FMNL2: variants seen among roughly 807,000 people sequenced by gnomAD.
FMNL2 encodes the protein formin like 2, also known as formin-like protein 2.
Under a neutral mutation model 130.2 loss-of-function variants are expected in FMNL2, and 51 were observed. The observed-to-expected ratio is 0.39, with a 90% CI of 0.31 to 0.49. The LOEUF (loss-of-function observed/expected upper bound fraction) is 0.49, where lower values mean the gene tolerates loss of function less well. FMNL2 is among the 20% of genes least tolerant of loss of function. FMNL2 has a pLI of 0.85. For synonymous variants in FMNL2, 465 were observed against 467.1 expected, an observed-to-expected ratio of 1.00 and a Z score of 0.06; for missense variants, 977 against 1,316.2, an observed-to-expected ratio of 0.74 and a Z score of 3.99.
At chr2:152,504,052 G>T (rs553132380) in intron 1 of FMNL2, among the ~76,000 whole-genome samples, 1 of 152,302 alleles carries the variant, frequency 6.6e-6, no homozygotes, top group East Asian at 1.9e-4. Flanking sequence ...TTAGCCGGGC[G>T]TGGTGGCACG....
chr2:152,513,445 T>C (rs191183276), intron 1 of FMNL2, among the ~76,000 whole-genome samples: 2 of 152,322 alleles, frequency 1.3e-5, no homozygotes, highest in Admixed American at 1.3e-4. Context: ...CATCTCTTCA[T>C]GTCCCCCTGA....
Position 152,619,639 on chromosome 2 carries a change from C to T in FMNL2, c.1758C>T (p.Pro586=), listed in dbSNP as rs771444096. Residue 586 remains proline, a synonymous_variant, in exon 15 of 26, where the codon CCC becomes CCT. Coordinates refer to ENST00000288670, the MANE Select transcript of FMNL2 (RefSeq NM_052905.4). ...GPAAETVPAP[P]LAPPLPSAPP... is the part of the protein sequence containing the mutation. ...CAGCTGAGACTGTACCAGCTCCTCC[C>T]TTAGCACCTCCCCTTCCCTCTGCAC... 6.2e-7 allele frequency: 1 copy of T among 1,611,108 alleles called. No homozygotes were observed. Among genetic ancestry groups the T allele is most frequent in the Admixed American group, 1.7e-5 (1 of 59,762 alleles).
chr2:152,351,125 T>TA (rs1344891862), intron 1 of FMNL2, among the ~76,000 whole-genome samples: 2 of 152,136 alleles, frequency 1.3e-5, no homozygotes, highest in African/African-American at 4.8e-5. Context: ...ATCCCAAAAA[T>TA]ACCTGAAGTT....
intron 1 of FMNL2, among the ~76,000 whole-genome samples, chr2:152,391,908 G>GTTTTT (rs10584642): frequency 9.0e-6 from 1 of 111,086 alleles, no homozygotes; most frequent in African/African-American, 3.1e-5. Context: ...GCTAGAAGTT[G>GTTTTT]TTTTTTTTTT....
chr2:152,373,505 GA>G (rs1684000408), intron 1 of FMNL2, among the ~76,000 whole-genome samples: 1 of 152,118 alleles, frequency 6.6e-6, no homozygotes, highest in Non-Finnish European at 1.5e-5. Flanking sequence ...ACCTCCTGTG[GA>G]TACCAAAATC....
chr2:152,571,334 T>G (rs77375965), intron 6 of FMNL2, among the ~76,000 whole-genome samples: 2,841 of 152,240 alleles, frequency 0.019, 96 homozygotes, highest in African/African-American at 0.064. Flanking sequence ...TCATGCAAGA[T>G]GTATTACATG....
At chr2:152,637,133 C>A (rs978836208) in intron 22 of FMNL2, among the ~76,000 whole-genome samples, 3 of 152,134 alleles carry the variant, frequency 2.0e-5, no homozygotes, top group African/African-American at 7.2e-5. Context: ...GACTGAGTGT[C>A]CCCTGTGTGA....
At chr2:152,445,771 A>G (rs1579681700) in intron 1 of FMNL2, among the ~76,000 whole-genome samples, 1 of 152,284 alleles carries the variant, frequency 6.6e-6, no homozygotes, top group Middle Eastern at 3.4e-3. Context: ...GGGAATCACC[A>G]CTGTAGACTT....
At chr2:152,374,442 A>G (rs1288930618) in intron 1 of FMNL2, among the ~76,000 whole-genome samples, 2 of 152,154 alleles carry the variant, frequency 1.3e-5, no homozygotes, top group Admixed American at 1.3e-4. Context: ...TGACAACTCC[A>G]GACAAGTGAC....
chr2:152,621,552 A>G (rs16831456), intron 15 of FMNL2, among the ~76,000 whole-genome samples: 25,632 of 152,120 alleles, frequency 0.17, 2,297 homozygotes, highest in Middle Eastern at 0.25. Context: ...CATGCAATTT[A>G]GAGGACTGTA....
chr2:152,343,619 T>C (rs1196209948), intron 1 of FMNL2, among the ~76,000 whole-genome samples: 1 of 152,168 alleles, frequency 6.6e-6, no homozygotes, highest in African/African-American at 2.4e-5. Flanking sequence ...TTTTTGACCA[T>C]GTGCCTGGTG....
At chr2:152,647,368 C>T (rs764199707) in intron 25 of FMNL2, among the ~76,000 whole-genome samples, 14 of 152,048 alleles carry the variant, frequency 9.2e-5, no homozygotes, top group South Asian at 6.2e-4. Context: ...GTTAAAACTG[C>T]GAGGAAAAGA....
rs58838989 is a variant in FMNL2 at position 152,490,569 on chromosome 2, A to ATGTGTGTGTGTGTGTGTG, written c.118-31344_118-31327dup. ...GCTTCTCTTCAGCTTTTGCTATCCAATGTGTGTGTGTGTGTGTGTGTGTGT... is the reference window on the plus strand; with the variant it reads ...GCTTCTCTTCAGCTTTTGCTATCCAATGTGTGTGTGTGTGTGTGTGTGTGTGTGTGTGTGTGTGTGTGT... On this transcript the variant is annotated intron_variant, in intron 1 of 25. Coordinates refer to ENST00000288670, the MANE Select transcript of FMNL2 (RefSeq NM_052905.4). Among the ~76,000 whole-genome samples, 296 of 108,564 alleles carry ATGTGTGTGTGTGTGTGTG rather than the reference A, an allele frequency of 2.7e-3. 7 individuals carry two copies. The highest frequency in any genetic ancestry group is 4.1e-3 in the African/African-American group (120 of 29,014). 71.2% of individuals were successfully genotyped at this position (108,564 alleles called of 152,430 possible).
chr2:152,521,828 TGA>T (rs1239407627), intron 1 of FMNL2, 113 bp from the exon 2 acceptor site: 74 of 786,216 alleles, frequency 9.4e-5, no homozygotes. Flanking sequence ...TACTAGGAAT[TGA>T]GAGAAAGTCA....
intron 1 of FMNL2, among the ~76,000 whole-genome samples, chr2:152,360,141 TA>T (rs1683078103): frequency 6.6e-6 from 1 of 152,172 alleles, no homozygotes; most frequent in Non-Finnish European, 1.5e-5. Flanking sequence ...TAAAGCATAA[TA>T]AAGGGGGTTT....
At chr2:152,374,460 C>A (rs1017721838) in intron 1 of FMNL2, among the ~76,000 whole-genome samples, 3 of 152,090 alleles carry the variant, frequency 2.0e-5, no homozygotes, top group Non-Finnish European at 4.4e-5. Context: ...GACTGCTAAT[C>A]TTGTGTCAGT....
intron 1 of FMNL2, among the ~76,000 whole-genome samples, chr2:152,496,563 G>A (rs1691527644): frequency 6.6e-6 from 1 of 152,106 alleles, no homozygotes. Flanking sequence ...ATTAATTTTA[G>A]CGTTTGTTGA....
At chr2:152,426,820 G>A (rs1388650956) in intron 1 of FMNL2, among the ~76,000 whole-genome samples, 1 of 152,292 alleles carries the variant, frequency 6.6e-6, no homozygotes, top group South Asian at 2.1e-4. Flanking sequence ...TATATTTAAA[G>A]TTTAGCCTTA....
intron 8 of FMNL2, among the ~76,000 whole-genome samples, chr2:152,580,678 G>C (rs1696732287): frequency 6.6e-6 from 1 of 152,124 alleles, no homozygotes. Context: ...GTCACCTGAT[G>C]ATAGGTCTAA....
Sources: gnomAD v4.1 joint callset for allele counts (sites outside exome capture counted in the v4.1 genomes callset) on GRCh38, gnomAD v4.1.1 for gene constraint, MANE v1.5 for transcripts, NCBI Gene and HGNC (gene_info 2026-07-23, HGNC 2026-07-21) for gene names.